CLEC4F: variants seen among roughly 807,000 people sequenced by gnomAD.
CLEC4F encodes C-type lectin domain family 4 member F.
CLEC4F carries 45 observed loss-of-function variants against 53.4 expected under a neutral mutation model. The ratio of observed to expected loss-of-function variants is 0.84; its 90% CI spans 0.66 to 1.08. The LOEUF (loss-of-function observed/expected upper bound fraction) is 1.08. CLEC4F is among the 50% of genes least tolerant of loss of function. The pLI, the probability that CLEC4F is intolerant of heterozygous loss-of-function variation, is 0.00. For synonymous variants in CLEC4F, 245 were observed against 257.5 expected (o/e 0.95, Z 0.46); for missense variants, 753 against 698.2 (o/e 1.08, Z -0.88).
Position 70,816,281 on chromosome 2 carries a change from T to C in CLEC4F, c.1100A>G (p.Glu367Gly). Residue 367 changes from glutamate to glycine, a missense_variant, in exon 4 of 7, where the codon GAA becomes GGA. By Grantham distance (98) the Glu-to-Gly change is moderately conservative (BLOSUM62 -2). Transcript: ENST00000272367. ...TQIQVFKSEM[E>G]NVNTLNAQIQ... is the part of the protein sequence containing the mutation. ...CTGGGCATTTAAGGTATTCACATTTTCCATCTCTGACTTGAATACCTGAAT... is the reference window on the plus strand; with the variant it reads ...CTGGGCATTTAAGGTATTCACATTTCCCATCTCTGACTTGAATACCTGAAT... 1 of 1,614,254 alleles carries C rather than the reference T, an allele frequency of 6.2e-7. No individual in the cohort carries two copies. The highest frequency in any genetic ancestry group is 8.5e-7 in the Non-Finnish European group (1 of 1,180,046).
At chr2:70,822,679 G>A (rs868991918), upstream of CLEC4F, among the ~76,000 whole-genome samples, 1 of 152,126 alleles carries the variant, frequency 6.6e-6, no homozygotes, top group Admixed American at 6.5e-5. Flanking sequence ...TACTTCAAAC[G>A]GTCACAATCT....
At chr2:70,822,977 G>C (rs1321492860), upstream of CLEC4F, among the ~76,000 whole-genome samples, 12 of 152,234 alleles carry the variant, frequency 7.9e-5, no homozygotes, top group African/African-American at 2.7e-4. Flanking sequence ...GCCGGGCCAG[G>C]AGAACAGCTT....
Position 70,816,968 on chromosome 2 carries a change from A to C in CLEC4F, c.413T>G (p.Leu138Arg). 6.2e-7 allele frequency: 1 copy of C among 1,614,174 alleles called. No individual in the cohort carries two copies. Among genetic ancestry groups the C allele is most frequent in the Non-Finnish European group, 8.5e-7 (1 of 1,180,038 alleles). Reference sequence around the variant, plus strand: ...ATTGGTGTTTCCCAGATGATCACCGAGCACCTGGAGCTGCGAATTGACATT... The same window carrying C: ...ATTGGTGTTTCCCAGATGATCACCGCGCACCTGGAGCTGCGAATTGACATT... ...VDNVNSQLQV[L>R]GDHLGNTNAD... Residue 138 changes from leucine (L) to arginine (R), a missense_variant, in exon 4 of 7, where the codon CTC becomes CGC. Physicochemically the swap from Leu to Arg is moderately radical, Grantham distance 102. Transcript: ENST00000272367.
At chr2:70,821,601 G>A (rs538272875), upstream of CLEC4F, among the ~76,000 whole-genome samples, 4 of 152,292 alleles carry the variant, frequency 2.6e-5, no homozygotes, top group East Asian at 3.9e-4. Context: ...CTTGCCCTGT[G>A]TACCTCTTCA....
chr2:70,820,348 G>T, intron 1 of CLEC4F, 115 bp downstream of exon 1: 1 of 887,150 alleles, frequency 1.1e-6, no homozygotes, highest in East Asian at 2.9e-5. Flanking sequence ...GCATCCCCAA[G>T]GACAAGGGTC....
Position 70,816,212 on chromosome 2 carries a change from A to G in CLEC4F, c.1169T>C (p.Ile390Thr). The G allele has an allele frequency of 6.2e-7, 1 of 1,614,146 alleles. No homozygotes were observed. Among genetic ancestry groups the G allele is most frequent in the South Asian group, 1.1e-5 (1 of 91,080 alleles). The change falls in exon 4 of 7, where the codon ATA (isoleucine) becomes ACA (threonine). Residue 390 changes from isoleucine (I) to threonine (T), a missense_variant. Physicochemically the swap from Ile to Thr is moderately conservative, Grantham distance 89. Coordinates refer to ENST00000272367, the MANE Select transcript of CLEC4F (RefSeq NM_173535.3). ...CTTCATTCCTTGTTTTAGGGTCTGT[A>G]TCTCTCTGCTGGCATTTTTCATATG... ...NGHMKNASRE[I>T]QTLKQGMKNA... is the part of the protein sequence containing the mutation.
At chr2:70,823,234 G>C (rs1677271034), upstream of CLEC4F, among the ~76,000 whole-genome samples, 1 of 152,172 alleles carries the variant, frequency 6.6e-6, no homozygotes, top group East Asian at 1.9e-4. Flanking sequence ...TGACCTTAGA[G>C]AGGAGGGCAC....
At chr2:70,810,059 T>G (rs1676464433) in intron 5 of CLEC4F, among the ~76,000 whole-genome samples, 1 of 152,120 alleles carries the variant, frequency 6.6e-6, no homozygotes, top group African/African-American at 2.4e-5. Context: ...TTTTAGGATA[T>G]CTAAACTCAG....
chr2:70,809,385 G>C lies in CLEC4F; in HGVS notation c.1659-3C>G. On this transcript the variant is annotated splice_polypyrimidine_tract_variant and splice_region_variant and intron_variant, in intron 6 of 6. Coordinates refer to ENST00000272367, the MANE Select transcript of CLEC4F (RefSeq NM_173535.3). ...GGCAGGATCCCTTGGAACCAGGCCT[G>C]AGTAGGGCAGGGGGAAAAAAACAGA... 6.2e-7 allele frequency: 1 copy of C among 1,602,264 alleles called. No individual in the cohort carries two copies. Among genetic ancestry groups the C allele is most frequent in the Non-Finnish European group, 8.5e-7 (1 of 1,174,040 alleles).
chr2:70,824,621 CCAAAAAA>C (rs1305579942), upstream of CLEC4F, among the ~76,000 whole-genome samples: 42 of 38,270 alleles, frequency 1.1e-3, 2 homozygotes, highest in Non-Finnish European at 1.4e-3. Context: ...TGCTTAGTTA[CCAAAAAA>C]AAAAAAAAAA....
upstream of CLEC4F, among the ~76,000 whole-genome samples, chr2:70,820,846 G>T (rs1677196307): frequency 1.3e-5 from 2 of 152,100 alleles, no homozygotes. Flanking sequence ...TGGGGGCTGG[G>T]ACTGGCACCT....
intron 4 of CLEC4F, among the ~76,000 whole-genome samples, chr2:70,813,408 T>A (rs1018654495): frequency 2.6e-5 from 4 of 152,150 alleles, no homozygotes; most frequent in African/African-American, 9.7e-5. Context: ...GAAGAAGGTA[T>A]GGTCTGTTTC....
At chr2:70,818,089 C>A (rs1677029637) in intron 3 of CLEC4F, among the ~76,000 whole-genome samples, 1 of 152,136 alleles carries the variant, frequency 6.6e-6, no homozygotes, top group South Asian at 2.1e-4. Flanking sequence ...TGGCAGGGAC[C>A]CTTTCTGGAG....
At chr2:70,809,912 A>G in intron 5 of CLEC4F, 55 bp from the exon 6 acceptor site, 1 of 1,178,612 alleles carries the variant, frequency 8.5e-7, no homozygotes, top group Non-Finnish European at 1.3e-6. Flanking sequence ...CCAGTTTTCC[A>G]GGCCACCTGG....
intron 5 of CLEC4F, among the ~76,000 whole-genome samples, chr2:70,812,005 G>A (rs1166657512): frequency 6.6e-6 from 1 of 152,202 alleles, no homozygotes; most frequent in Non-Finnish European, 1.5e-5. Context: ...TGAGGTGGGA[G>A]GATCGCTTGA....
At chr2:70,818,623 A>G (rs1553397016) in intron 3 of CLEC4F, among the ~76,000 whole-genome samples, 2 of 152,046 alleles carry the variant, frequency 1.3e-5, no homozygotes, top group Non-Finnish European at 2.9e-5. Flanking sequence ...AGGCAGGAGA[A>G]TGGCATGAAC....
At chr2:70,818,047 C>T (rs782365540) in intron 3 of CLEC4F, among the ~76,000 whole-genome samples, 16 of 152,190 alleles carry the variant, frequency 1.1e-4, no homozygotes, top group Non-Finnish European at 1.5e-4. Context: ...TGATTCCAGT[C>T]TCCCCTCAGG....
intron 4 of CLEC4F, among the ~76,000 whole-genome samples, chr2:70,813,974 C>T (rs114543072): frequency 2.0e-5 from 3 of 152,140 alleles, no homozygotes; most frequent in Non-Finnish European, 4.4e-5. Flanking sequence ...CCACTGTGCC[C>T]CGTCTGGAGC....
intron 4 of CLEC4F, among the ~76,000 whole-genome samples, chr2:70,815,485 T>C (rs184849100): frequency 6.6e-6 from 1 of 152,318 alleles, no homozygotes; most frequent in East Asian, 1.9e-4. Flanking sequence ...TATCACACCT[T>C]ATTCACCTTT....
Sources: gnomAD v4.1 joint callset for allele counts (sites outside exome capture counted in the v4.1 genomes callset) on GRCh38, gnomAD v4.1.1 for gene constraint, MANE v1.5 for transcripts, NCBI Gene and HGNC (gene_info 2026-07-23, HGNC 2026-07-21) for gene names.